Variants in IRAK3 observed in about 807,000 individuals in gnomAD.
IRAK3 encodes interleukin 1 receptor associated kinase 3, also known as interleukin-1 receptor-associated kinase 3.
In IRAK3, 57 loss-of-function variants were observed where a neutral mutation model predicts 56.6. That is an observed-to-expected ratio of 1.01 (90% CI 0.81 to 1.26). IRAK3 has a LOEUF of 1.26. Among genes scored for constraint, IRAK3 ranks in the 50% most tolerant of loss-of-function variants. The probability of loss-of-function intolerance (pLI) is 0.00; values close to 1 mark genes in which losing one functional copy is unlikely to be tolerated. For synonymous variants in IRAK3, 258 were observed against 255.7 expected (o/e 1.01, Z -0.09); for missense variants, 703 against 719.0 (o/e 0.98, Z 0.25).
At chr12:66,227,990 C>A (rs1231375868) in intron 7 of IRAK3, among the ~76,000 whole-genome samples, 1 of 152,088 alleles carries the variant, frequency 6.6e-6, no homozygotes, top group East Asian at 1.9e-4. Flanking sequence ...GCAGTGTTAC[C>A]TTACTAGCTA....
chr12:66,228,848 T>C (rs2052815654), intron 8 of IRAK3, among the ~76,000 whole-genome samples: 1 of 152,188 alleles, frequency 6.6e-6, no homozygotes. Flanking sequence ...TTTACCCAAC[T>C]GTAGGCTAAT....
At chr12:66,221,448 G>A (rs540420420) in intron 6 of IRAK3, among the ~76,000 whole-genome samples, 6 of 152,238 alleles carry the variant, frequency 3.9e-5, no homozygotes, top group Non-Finnish European at 7.4e-5. Context: ...TGAACTTAGA[G>A]GAAAAGCATT....
intron 6 of IRAK3, among the ~76,000 whole-genome samples, chr12:66,220,724 T>G (rs1269773392): frequency 6.6e-6 from 1 of 151,518 alleles, no homozygotes; most frequent in African/African-American, 2.4e-5. Context: ...GTTTCACCGT[T>G]TTAGCCGGGA....
chr12:66,237,254 C>T (rs1216921400), intron 8 of IRAK3, among the ~76,000 whole-genome samples: 1 of 152,074 alleles, frequency 6.6e-6, no homozygotes, highest in Non-Finnish European at 1.5e-5. Context: ...CTGTAATTAT[C>T]CCCCCACAAT....
chr12:66,198,223 C>T (rs2052473138), intron 1 of IRAK3: 1 of 414,722 alleles, frequency 2.4e-6, no homozygotes, highest in Non-Finnish European at 3.2e-6. Flanking sequence ...TATGCTAACA[C>T]TCAGGGCCTC....
At chr12:66,221,089 T>C (rs1460574836) in intron 6 of IRAK3, among the ~76,000 whole-genome samples, 1 of 152,212 alleles carries the variant, frequency 6.6e-6, no homozygotes, top group Admixed American at 6.5e-5. Flanking sequence ...TTCACCTCCT[T>C]GGTTAAATTT....
At chr12:66,223,705 TAC>T (rs2052758556) in intron 6 of IRAK3, among the ~76,000 whole-genome samples, 1 of 151,318 alleles carries the variant, frequency 6.6e-6, no homozygotes, top group African/African-American at 2.4e-5. Context: ...AAGTAAACAT[TAC>T]TTTTTTTTAT....
chr12:66,201,064 G>T (rs573623687), intron 1 of IRAK3, among the ~76,000 whole-genome samples: 2 of 152,140 alleles, frequency 1.3e-5, no homozygotes, highest in Admixed American at 6.5e-5. Context: ...TGATCCTCCC[G>T]CCTTGGCCTC....
At position 66,250,032 on chromosome 12, in the gene IRAK3, G is replaced by A. The variant is rs778680836; in HGVS notation, c.*1861G>A. 1 of 152,202 alleles carries A rather than the reference G, an allele frequency of 6.6e-6. No individual in the cohort carries two copies. The highest frequency in any genetic ancestry group is 2.1e-4 in the South Asian group (1 of 4,836). The allele number at this position is 152,202 out of a possible 1,614,324, so 9.4% of individuals were successfully genotyped here. On this transcript the variant is annotated 3_prime_UTR_variant, in exon 12 of 12. Transcript: ENST00000261233. ...AGAGCCTAATGTGTCATCCTACACAGAGCAGGTGTTTCCTTATAAATTAAG... is the reference window on the plus strand; with the variant it reads ...AGAGCCTAATGTGTCATCCTACACAAAGCAGGTGTTTCCTTATAAATTAAG...
In IRAK3 at chr12:66,244,593, G is replaced by T. The variant is rs377162551; in HGVS notation, c.995G>T (p.Ser332Ile). ...EHQSCTINMT[S>I]SSSKHLWYMP... ...CAGAGTTGTACCATAAATATGACCA[G>T]CAGCAGCAGTAAACATCTGTGGTAC... Residue 332 changes from serine to isoleucine, a missense_variant, in exon 9 of 12, where the codon AGC becomes ATC. Ser to Ile is a moderately radical substitution (Grantham distance 142). Coordinates refer to ENST00000261233, the MANE Select transcript of IRAK3 (RefSeq NM_007199.3). 1 of 1,613,034 alleles carries T rather than the reference G, an allele frequency of 6.2e-7. No individual in the cohort carries two copies. The highest frequency in any genetic ancestry group is 1.7e-5 in the Admixed American group (1 of 60,022).
rs955973239 is a variant in IRAK3, at chr12:66,250,858, G to A, written c.*2687G>A. ...GTCCACCCAGCTTCTGATGCAATAG[G>A]TCTGGGGTTAGAAATTTTGCTTTCT... On this transcript the variant is annotated 3_prime_UTR_variant, in exon 12 of 12. Coordinates refer to ENST00000261233, the MANE Select transcript of IRAK3 (RefSeq NM_007199.3). The A allele has an allele frequency of 2.6e-5, 4 of 152,304 alleles. No individual in the cohort carries two copies. The highest frequency in any genetic ancestry group is 3.4e-3 in the Middle Eastern group (1 of 294). 9.4% of individuals were successfully genotyped at this position (152,304 alleles called of 1,614,324 possible).
intron 8 of IRAK3, among the ~76,000 whole-genome samples, chr12:66,235,453 G>T (rs1241713074): frequency 3.3e-5 from 5 of 151,552 alleles, no homozygotes; most frequent in African/African-American, 1.2e-4. Flanking sequence ...CTGCAGCTCC[G>T]CGCTGACTTC....
At chr12:66,200,212 A>G (rs546514789) in intron 1 of IRAK3, among the ~76,000 whole-genome samples, 1 of 152,234 alleles carries the variant, frequency 6.6e-6, no homozygotes, top group African/African-American at 2.4e-5. Flanking sequence ...GACCTTGTGT[A>G]TATCAGTCAG....
chr12:66,215,326 G>A (rs183817623), intron 5 of IRAK3, among the ~76,000 whole-genome samples: 20 of 152,246 alleles, frequency 1.3e-4, no homozygotes, highest in Non-Finnish European at 2.8e-4. Context: ...CTTTCCATGA[G>A]TCTGAATGGT....
At chr12:66,233,068 T>C (rs1192433101) in intron 8 of IRAK3, among the ~76,000 whole-genome samples, 11 of 152,044 alleles carry the variant, frequency 7.2e-5, no homozygotes, top group Admixed American at 7.2e-4. Context: ...TTAAAAGCCC[T>C]ATGCTGCTGT....
chr12:66,203,718 A>T lies in IRAK3; in HGVS notation c.141A>T (p.Arg47Ser). 6.2e-7 allele frequency: 1 copy of T among 1,613,974 alleles called. No individual in the cohort carries two copies. Among genetic ancestry groups the T allele is most frequent in the Non-Finnish European group, 8.5e-7 (1 of 1,179,930 alleles). Residue 47 changes from arginine (R) to serine (S), a missense_variant, in exon 2 of 12, where the codon AGA becomes AGT. Physicochemically the swap from Arg to Ser is moderately radical, Grantham distance 110. Transcript: ENST00000261233. Reference protein sequence around the residue: ...GALGWRGLAERLSSSWLDVRH... With the variant: ...GALGWRGLAESLSSSWLDVRH... ...ATATTGCAATTTCCACAGCAGAGAG[A>T]CTTTCAAGCAGCTGGCTGGATGTTC...
intron 8 of IRAK3, among the ~76,000 whole-genome samples, chr12:66,235,894 G>C (rs1164273923): frequency 6.6e-6 from 1 of 152,092 alleles, no homozygotes; most frequent in Non-Finnish European, 1.5e-5. Flanking sequence ...AAAGAAGTAT[G>C]TTCTAGTCTA....
At chr12:66,228,478 G>A in intron 8 of IRAK3, 108 bp downstream of exon 8, 1 of 811,690 alleles carries the variant, frequency 1.2e-6, no homozygotes, top group South Asian at 1.4e-5. Context: ...ATGTATGTGT[G>A]TGTGTTAAGA....
intron 6 of IRAK3, among the ~76,000 whole-genome samples, chr12:66,220,489 A>AATGCCTCT (rs1268246798): frequency 6.7e-6 from 1 of 148,430 alleles, no homozygotes; most frequent in Non-Finnish European, 1.5e-5. Flanking sequence ...TCAGGACGTG[A>AATGCCTCT]ATGCCTCTGG....
Sources: gnomAD v4.1 joint callset for allele counts (sites outside exome capture counted in the v4.1 genomes callset) on GRCh38, gnomAD v4.1.1 for gene constraint, MANE v1.5 for transcripts, NCBI Gene and HGNC (gene_info 2026-07-23, HGNC 2026-07-21) for gene names.